Variants in SV2C observed in about 807,000 individuals in gnomAD.
SV2C encodes synaptic vesicle glycoprotein 2C.
A neutral mutation model predicts 79.7 loss-of-function variants in SV2C; 49 were observed. The ratio of observed to expected loss-of-function variants is 0.61; its 90% CI spans 0.49 to 0.78. SV2C has a LOEUF of 0.78. Ranked by LOEUF, SV2C falls within the 30% of genes least tolerant of loss-of-function variation. The probability of loss-of-function intolerance (pLI) is 0.00; values close to 1 mark genes in which losing one functional copy is unlikely to be tolerated. For missense variants in SV2C, 833 were observed against 912.9 expected, an observed-to-expected ratio of 0.91 and a Z score of 1.13; for synonymous variants, 334 against 333.2, an observed-to-expected ratio of 1.00 and a Z score of -0.03.
chr5:76,196,758 T>C (rs1316112817), intron 3 of SV2C, among the ~76,000 whole-genome samples: 1 of 152,132 alleles, frequency 6.6e-6, no homozygotes, highest in Non-Finnish European at 1.5e-5. Context: ...TTTTGGGAAA[T>C]TGAAGCAATA....
chr5:75,857,895 C>A, the SV2C span, among the ~76,000 whole-genome samples: 4 of 152,018 alleles, frequency 2.6e-5, no homozygotes, highest in Non-Finnish European at 5.9e-5. Flanking sequence ...TTCTTGATTT[C>A]TTTTCCTAAT....
the SV2C span, among the ~76,000 whole-genome samples, chr5:76,060,304 T>G: frequency 6.6e-6 from 1 of 152,146 alleles, no homozygotes; most frequent in South Asian, 2.1e-4. Flanking sequence ...GATGGCATCT[T>G]CTTCCAAGAG....
At chr5:75,857,902 T>C in the SV2C span, among the ~76,000 whole-genome samples, 1 of 152,222 alleles carries the variant, frequency 6.6e-6, no homozygotes, top group Non-Finnish European at 1.5e-5. Flanking sequence ...TTTCTTTTCC[T>C]AATTGTTCAC....
the SV2C span, among the ~76,000 whole-genome samples, chr5:76,026,653 T>A: frequency 6.6e-6 from 1 of 152,184 alleles, no homozygotes; most frequent in Non-Finnish European, 1.5e-5. Context: ...GAGCTAGACG[T>A]AGGAAGCCAG....
chr5:75,990,866 C>T, the SV2C span, among the ~76,000 whole-genome samples: 17 of 151,974 alleles, frequency 1.1e-4, no homozygotes, highest in African/African-American at 3.9e-4. Flanking sequence ...CTGCAACTCC[C>T]TTCAGAGACT....
chr5:76,341,014 T>C (rs1161829592), intron 12 of SV2C, among the ~76,000 whole-genome samples: 4 of 149,616 alleles, frequency 2.7e-5, no homozygotes, highest in Non-Finnish European at 4.4e-5. Context: ...CACTGCATCT[T>C]CTGCCTCCCA....
At chr5:75,970,487 G>A in the SV2C span, among the ~76,000 whole-genome samples, 1 of 151,764 alleles carries the variant, frequency 6.6e-6, no homozygotes, top group African/African-American at 2.4e-5. Flanking sequence ...AATGACAAAG[G>A]GGATATCACC....
chr5:75,931,534 A>G, the SV2C span, among the ~76,000 whole-genome samples: 1 of 152,238 alleles, frequency 6.6e-6, no homozygotes, highest in Non-Finnish European at 1.5e-5. Flanking sequence ...TCCAAAAGAA[A>G]TGCTGGCTTT....
the SV2C span, among the ~76,000 whole-genome samples, chr5:75,984,515 G>T: frequency 6.6e-6 from 1 of 151,156 alleles, no homozygotes; most frequent in African/African-American, 2.5e-5. Flanking sequence ...AGGGTTCCAT[G>T]AGAAGTAAGA....
intron 4 of SV2C, among the ~76,000 whole-genome samples, chr5:76,221,632 C>T (rs1398455406): frequency 6.6e-6 from 1 of 152,090 alleles, no homozygotes; most frequent in Admixed American, 6.6e-5. Context: ...CTGCTGTGGC[C>T]TTTCTATTTG....
intron 4 of SV2C, among the ~76,000 whole-genome samples, chr5:76,225,847 A>G (rs1045974834): frequency 1.4e-4 from 21 of 152,156 alleles, no homozygotes; most frequent in Non-Finnish European, 2.8e-4. Flanking sequence ...CATTTAAATT[A>G]CTTGATGAGA....
rs2112327940 is a variant in SV2C at position 76,195,057 on chromosome 5, G to A, written c.719G>A (p.Gly240Asp). ...GCCTTCCTTTCTTCATTTGTCCAAG[G>A]TTATGGCTTCTTTCTCTTCTGTCGC... is the stretch of plus-strand genomic sequence containing the variant. ...FFAFLSSFVQ[G>D]YGFFLFCRLL... is the part of the protein sequence containing the mutation. The change falls in exon 3 of 13, where the codon GGT becomes GAT. Residue 240 changes from glycine (G) to aspartate (D), a missense_variant. Coordinates refer to ENST00000502798, the MANE Select transcript of SV2C (RefSeq NM_014979.4). 1.9e-6 allele frequency: 3 copies of A among 1,614,012 alleles called. No individual in the cohort carries two copies. The highest frequency in any genetic ancestry group is 2.5e-6 in the Non-Finnish European group (3 of 1,179,942).
the SV2C span, among the ~76,000 whole-genome samples, chr5:75,996,127 G>A: frequency 6.6e-6 from 1 of 151,914 alleles, no homozygotes; most frequent in East Asian, 1.9e-4. Context: ...GGTCTAACAT[G>A]TAAGTCTTTA....
intron 12 of SV2C, among the ~76,000 whole-genome samples, chr5:76,303,904 C>T (rs918746275): frequency 2.0e-5 from 3 of 152,016 alleles, no homozygotes; most frequent in Non-Finnish European, 2.9e-5. Context: ...TAAGCCTGAG[C>T]GAAGGAGGGA....
intron 12 of SV2C, among the ~76,000 whole-genome samples, chr5:76,341,481 A>C (rs1749441650): frequency 6.6e-6 from 1 of 152,220 alleles, no homozygotes; most frequent in Admixed American, 6.5e-5. Flanking sequence ...CCGGGGCTTA[A>C]GTCTCAGTAG....
chr5:76,334,927 G>A (rs1419853114), downstream of SV2C, among the ~76,000 whole-genome samples: 1 of 152,186 alleles, frequency 6.6e-6, no homozygotes, highest in East Asian at 1.9e-4. Context: ...CAAGGAAAAA[G>A]GCAGGTAACT....
chr5:76,299,787 A>G (rs1747918847), intron 10 of SV2C, among the ~76,000 whole-genome samples: 1 of 152,332 alleles, frequency 6.6e-6, no homozygotes, highest in South Asian at 2.1e-4. Context: ...AAACCTCAGA[A>G]GACGAACATT....
chr5:76,286,623 AT>A (rs1353116724), intron 6 of SV2C: 1 of 152,216 alleles, frequency 6.6e-6, no homozygotes, highest in Non-Finnish European at 1.5e-5. Flanking sequence ...GGGTTTCCTG[AT>A]GTATTAGTCC....
the SV2C span, among the ~76,000 whole-genome samples, chr5:75,966,364 C>T: frequency 6.6e-6 from 1 of 152,092 alleles, no homozygotes; most frequent in Non-Finnish European, 1.5e-5. Flanking sequence ...AACTACCAGA[C>T]CCCAAATAAA....
Sources: allele counts gnomAD v4.1 joint callset (sites outside exome capture counted in the v4.1 genomes callset), GRCh38; gene constraint gnomAD v4.1.1; transcripts MANE v1.5; gene names NCBI Gene and HGNC (gene_info 2026-07-23, HGNC 2026-07-21).